HMGCLL1: variants seen among roughly 807,000 people sequenced by gnomAD.
The protein encoded by HMGCLL1 is 3-hydroxymethyl-3-methylglutaryl-CoA lyase, cytoplasmic.
A neutral mutation model predicts 39.1 loss-of-function variants in HMGCLL1; 36 were observed. The ratio of observed to expected loss-of-function variants is 0.92; its 90% confidence interval spans 0.71 to 1.22. The LOEUF (loss-of-function observed/expected upper bound fraction) is 1.22. Ranked by LOEUF, HMGCLL1 falls within the 50% of genes most tolerant of loss-of-function variation. The pLI is 0.00. For synonymous variants in HMGCLL1, 149 were observed against 144.0 expected (o/e 1.03, Z -0.25); for missense variants, 451 against 416.5 (o/e 1.08, Z -0.72).
At chr6:55,505,832 A>G (rs961516394) in intron 5 of HMGCLL1, among the ~76,000 whole-genome samples, 1 of 151,692 alleles carries the variant, frequency 6.6e-6, no homozygotes, top group Non-Finnish European at 1.5e-5. Flanking sequence ...TCAAGTTAGA[A>G]TATTTTAGGG....
chr6:55,517,148 T>A (rs1380794054), intron 3 of HMGCLL1, among the ~76,000 whole-genome samples: 4 of 152,090 alleles, frequency 2.6e-5, no homozygotes, highest in African/African-American at 9.7e-5. Context: ...TGTAACACTA[T>A]CATAGTATTA....
At chr6:55,671,243 T>C in the HMGCLL1 span, among the ~76,000 whole-genome samples, 2 of 151,896 alleles carry the variant, frequency 1.3e-5, no homozygotes, top group African/African-American at 4.8e-5. Context: ...TTGTGTTGAG[T>C]TTAAAGCTGA....
chr6:55,549,638 G>A (rs1303711299), intron 1 of HMGCLL1, among the ~76,000 whole-genome samples: 2 of 151,874 alleles, frequency 1.3e-5, no homozygotes, highest in African/African-American at 4.9e-5. Context: ...AAACTCCTAA[G>A]ATGGCATAGC....
the HMGCLL1 span, among the ~76,000 whole-genome samples, chr6:55,665,366 A>G: frequency 2.0e-5 from 3 of 151,642 alleles, no homozygotes; most frequent in Non-Finnish European, 4.4e-5. Flanking sequence ...GTAGGAATAC[A>G]CTCCCTTGTT....
the HMGCLL1 span, among the ~76,000 whole-genome samples, chr6:55,672,187 T>C: frequency 1.3e-5 from 2 of 151,838 alleles, no homozygotes; most frequent in Non-Finnish European, 2.9e-5. Flanking sequence ...GTTTCAATTA[T>C]ATTTAAAAAT....
At chr6:55,503,334 C>G (rs1766991094) in intron 5 of HMGCLL1, among the ~76,000 whole-genome samples, 1 of 151,758 alleles carries the variant, frequency 6.6e-6, no homozygotes, top group African/African-American at 2.4e-5. Context: ...AAATTCATAA[C>G]TTAGCAGAAC....
the HMGCLL1 span, among the ~76,000 whole-genome samples, chr6:55,675,238 T>C: frequency 1.3e-5 from 2 of 152,118 alleles, no homozygotes; most frequent in African/African-American, 4.8e-5. Context: ...TTTATCTTTG[T>C]ATACAGGCAA....
Position 55,542,055 on chromosome 6 carries a change from A to G in HMGCLL1, c.189+5T>C, listed in dbSNP as rs779054521. The G allele has an allele frequency of 6.4e-7, 1 of 1,573,248 alleles. No individual in the cohort carries two copies. Among genetic ancestry groups the G allele is most frequent in the Admixed American group, 1.7e-5 (1 of 59,316 alleles). ...CAGCATTTGAAGTAAATGATGTAAAACTACCTTTTCATTCTGCAATCCATC... is the reference window on the plus strand; with the variant it reads ...CAGCATTTGAAGTAAATGATGTAAAGCTACCTTTTCATTCTGCAATCCATC... On this transcript the variant is annotated splice_donor_5th_base_variant and intron_variant, in intron 2 of 8. Coordinates refer to ENST00000274901, the MANE Select transcript of HMGCLL1 (RefSeq NM_001042406.2).
chr6:55,481,923 A>T (rs1161963774), intron 7 of HMGCLL1, among the ~76,000 whole-genome samples: 1 of 152,078 alleles, frequency 6.6e-6, no homozygotes, highest in East Asian at 1.9e-4. Context: ...TGAACATTTC[A>T]AGTTAAATGC....
chr6:55,446,005 A>T (rs1349961305), intron 7 of HMGCLL1, among the ~76,000 whole-genome samples: 4 of 151,982 alleles, frequency 2.6e-5, no homozygotes, highest in Non-Finnish European at 4.4e-5. Flanking sequence ...GTGGTTCAAT[A>T]TATTCAGCAT....
At chr6:55,676,630 TA>T in the HMGCLL1 span, among the ~76,000 whole-genome samples, 1 of 152,352 alleles carries the variant, frequency 6.6e-6, no homozygotes, top group East Asian at 1.9e-4. Context: ...ATGCTGAGCA[TA>T]TTTTTTACAG....
chr6:55,665,939 G>A, the HMGCLL1 span, among the ~76,000 whole-genome samples: 1 of 151,624 alleles, frequency 6.6e-6, no homozygotes, highest in Non-Finnish European at 1.5e-5. Context: ...TAAATTATTA[G>A]TTATACAACT....
intron 7 of HMGCLL1, among the ~76,000 whole-genome samples, chr6:55,455,741 T>G (rs1286947604): frequency 1.3e-5 from 2 of 152,036 alleles, no homozygotes; most frequent in African/African-American, 4.8e-5. Flanking sequence ...CACAAATGAG[T>G]TAGCTTTCAA....
At chr6:55,554,945 A>G (rs2127467072) in intron 1 of HMGCLL1, among the ~76,000 whole-genome samples, 1 of 152,334 alleles carries the variant, frequency 6.6e-6, no homozygotes, top group East Asian at 1.9e-4. Flanking sequence ...TAACTGCAAG[A>G]ACATTATAAG....
chr6:55,453,782 A>G (rs1011224032), intron 7 of HMGCLL1, among the ~76,000 whole-genome samples: 8 of 152,328 alleles, frequency 5.3e-5, no homozygotes, highest in African/African-American at 1.7e-4. Flanking sequence ...GATTGTTGTT[A>G]AGGAATAAAT....
At chr6:55,503,451 T>C (rs1766995834) in intron 5 of HMGCLL1, among the ~76,000 whole-genome samples, 1 of 149,524 alleles carries the variant, frequency 6.7e-6, no homozygotes, top group African/African-American at 2.5e-5. Flanking sequence ...CCTACATGAT[T>C]GCCACATTTT....
At chr6:55,566,839 T>C (rs1288085865) in intron 1 of HMGCLL1, among the ~76,000 whole-genome samples, 1 of 152,124 alleles carries the variant, frequency 6.6e-6, no homozygotes, top group African/African-American at 2.4e-5. Flanking sequence ...TGAAAAAGAA[T>C]AAATAAGAAC....
rs1026111657 is a variant in HMGCLL1, at chr6:55,447,961, C to T, written c.796-8402G>A. ...TTGATTCATTGAATCCATATAACAA[C>T]TCCAGGAGGCAGGGTGTGAATTAGA... On this transcript the variant is annotated intron_variant, in intron 7 of 8. Transcript: ENST00000274901. Among the ~76,000 whole-genome samples the T allele has an allele frequency of 3.3e-5, 5 of 152,142 alleles. 1 individual carries two copies. Among genetic ancestry groups the T allele is most frequent in the African/African-American group, 1.2e-4 (5 of 41,446 alleles).
At chr6:55,522,433 T>A (rs979460474) in intron 3 of HMGCLL1, among the ~76,000 whole-genome samples, 1 of 152,036 alleles carries the variant, frequency 6.6e-6, no homozygotes, top group Non-Finnish European at 1.5e-5. Context: ...GAGTAAAGTT[T>A]ACTCAGTTCC....
Sources: allele counts gnomAD v4.1 joint callset (sites outside exome capture counted in the v4.1 genomes callset), GRCh38; gene constraint gnomAD v4.1.1; transcripts MANE v1.5; gene names NCBI Gene and HGNC (gene_info 2026-07-23, HGNC 2026-07-21).